USF3: variants seen among roughly 807,000 people sequenced by gnomAD.
USF3 encodes the protein upstream transcription factor family member 3.
A neutral mutation model predicts 157.5 loss-of-function variants in USF3; 29 were observed. The ratio of observed to expected loss-of-function variants is 0.18; its 90% CI spans 0.14 to 0.25. USF3 has a LOEUF of 0.25. Ranked by LOEUF, USF3 falls within the 10% of genes least tolerant of loss-of-function variation. USF3 has a pLI of 1.00. For missense variants in USF3, 2,381 were observed against 2,667.6 expected (o/e 0.89, Z 2.37); for synonymous variants, 893 against 941.4 (o/e 0.95, Z 0.94).
intron 5 of USF3, among the ~76,000 whole-genome samples, chr3:113,668,714 A>G (rs1707068715): frequency 6.6e-6 from 1 of 152,174 alleles, no homozygotes; most frequent in Admixed American, 6.5e-5. Context: ...ATAAACAGAA[A>G]AAAACTTCAG....
At position 113,649,164 on chromosome 3, in the gene USF3, T is replaced by C. The variant is rs1209874656; in HGVS notation, c.*5780A>G. ...CATCTAACTTTAAGTTCCTATGACATAGTACGGTGTTAGTATGGTGTATAG... is the reference window on the plus strand; with the variant it reads ...CATCTAACTTTAAGTTCCTATGACACAGTACGGTGTTAGTATGGTGTATAG... On this transcript the variant is annotated 3_prime_UTR_variant, in exon 7 of 7. Coordinates refer to ENST00000316407, the MANE Select transcript of USF3 (RefSeq NM_001009899.4). The C allele has an allele frequency of 1.3e-5, 2 of 152,240 alleles. No individual in the cohort carries two copies. Among genetic ancestry groups the C allele is most frequent in the Admixed American group, 6.5e-5 (1 of 15,280 alleles). 9.4% of individuals were successfully genotyped at this position (152,240 alleles called of 1,614,324 possible).
In USF3 at chr3:113,659,114, T is replaced by C. The variant is rs762471475; in HGVS notation, c.2568A>G (p.Ala856=). 2.4e-5 allele frequency: 38 copies of C among 1,614,076 alleles called. No individual in the cohort carries two copies. Among genetic ancestry groups the C allele is most frequent in the Non-Finnish European group, 3.1e-5 (37 of 1,180,038 alleles). Residue 856 remains alanine (A), a synonymous_variant, in exon 7 of 7, where the codon GCA becomes GCG. Transcript: ENST00000316407. ...GTGAAGCAGAAACACTCACACTATT[T>C]GCCTGAGACACAGAGACAGATGGTA... ...AVLPSVSVSQ[A]NSVSVSASHS...
chr3:113,684,134 G>T (rs1373865878), intron 1 of USF3, among the ~76,000 whole-genome samples: 1 of 152,068 alleles, frequency 6.6e-6, no homozygotes, highest in African/African-American at 2.4e-5. Context: ...TAATATTCTA[G>T]GATAAAAGTC....
chr3:113,670,024 A>T, intron 5 of USF3, 97 bp downstream of exon 5: 1 of 777,866 alleles, frequency 1.3e-6, no homozygotes, highest in Non-Finnish European at 2.2e-6. Context: ...CATACATAGA[A>T]ATAGAAAGCA....
chr3:113,679,112 A>G (rs1707351832), intron 1 of USF3, among the ~76,000 whole-genome samples: 3 of 151,554 alleles, frequency 2.0e-5, no homozygotes, highest in Admixed American at 6.6e-5. Context: ...ACCTGGCTCC[A>G]TTAATATTTT....
chr3:113,680,710 A>T (rs1707397975), intron 1 of USF3, among the ~76,000 whole-genome samples: 1 of 151,804 alleles, frequency 6.6e-6, no homozygotes, highest in Admixed American at 6.6e-5. Context: ...CTGAGGCAGG[A>T]GAATCACTTG....
At position 113,661,250 on chromosome 3, in the gene USF3, T is replaced by C; in HGVS notation, c.432A>G (p.Gln144=). The part of the protein sequence containing the change: ...VSVVIPSDQV[Q]KKIIVYSNGN... ...CGTTGGAATAAACAATAATTTTTTTTTGAACCTGGTCACTAGGAATAACAA... is the reference window on the plus strand; with the variant it reads ...CGTTGGAATAAACAATAATTTTTTTCTGAACCTGGTCACTAGGAATAACAA... The change falls in exon 7 of 7, where the codon CAA becomes CAG. Residue 144 remains glutamine (Q), a synonymous_variant. Transcript: ENST00000316407. 6.2e-7 allele frequency: 1 copy of C among 1,614,082 alleles called. No individual in the cohort carries two copies. Among genetic ancestry groups the C allele is most frequent in the Non-Finnish European group, 8.5e-7 (1 of 1,179,980 alleles).
chr3:113,667,560 A>G (rs1422880240), intron 5 of USF3, among the ~76,000 whole-genome samples: 1 of 152,204 alleles, frequency 6.6e-6, no homozygotes, highest in Non-Finnish European at 1.5e-5. Flanking sequence ...GGAAACAGAA[A>G]GCACAATTTT....
chr3:113,656,877 T>A lies in USF3; in HGVS notation c.4805A>T (p.His1602Leu). 1 of 1,614,208 alleles carries A rather than the reference T, an allele frequency of 6.2e-7. No individual in the cohort carries two copies. The highest frequency in any genetic ancestry group is 2.2e-5 in the East Asian group (1 of 44,884). ...PQNHLNQDIMHQQQDVGSRQQ... is the reference protein window; with the variant it reads ...PQNHLNQDIMLQQQDVGSRQQ... The stretch of plus-strand genomic sequence containing the variant: ...TCTGCTTCCAACATCCTGCTGTTGG[T>A]GCATAATATCTTGATTGAGATGGTT... Residue 1602 changes from histidine (H) to leucine (L), a missense_variant, in exon 7 of 7, where the codon CAC becomes CTC. Coordinates refer to ENST00000316407, the MANE Select transcript of USF3 (RefSeq NM_001009899.4).
Position 113,660,350 on chromosome 3 carries a change from C to T in USF3, c.1332G>A (p.Gln444=). 1.2e-6 allele frequency: 2 copies of T among 1,614,196 alleles called. No individual in the cohort carries two copies. The highest frequency in any genetic ancestry group is 1.1e-5 in the South Asian group (1 of 91,086). The part of the protein sequence containing the change: ...TTLQLAGNTI[Q]PLSQTPSSAV... ...CAGAAGATGGTGTCTGGCTTAAGGG[C>T]TGAATAGTGTTTCCTGCCAGTTGCA... Residue 444 remains glutamine (Q), a synonymous_variant, in exon 7 of 7, where the codon CAG becomes CAA. Transcript: ENST00000316407.
At chr3:113,670,064 A>C in intron 5 of USF3, 57 bp downstream of exon 5, 1 of 1,160,490 alleles carries the variant, frequency 8.6e-7, no homozygotes, top group Non-Finnish European at 1.3e-6. Context: ...GCACCAAAAC[A>C]ACTTAGGGAA....
chr3:113,680,520 C>A (rs1707391503), intron 1 of USF3, among the ~76,000 whole-genome samples: 1 of 151,990 alleles, frequency 6.6e-6, no homozygotes, highest in Non-Finnish European at 1.5e-5. Flanking sequence ...TTTCAAAAAA[C>A]AAACTTTTTG....
Position 113,658,691 on chromosome 3 carries a change from A to T in USF3, c.2991T>A (p.Gly997=). Residue 997 remains glycine, a synonymous_variant, in exon 7 of 7, where the codon GGT becomes GGA. Transcript: ENST00000316407. ...TAGTTAAACCTTGCCCCTTTAAGAG[A>T]CCTGTGGTTTGCATTGTATCTGATG... is the stretch of plus-strand genomic sequence containing the variant. The part of the protein sequence containing the change: ...QDSSDTMQTT[G]LLKGQGLTTL... The T allele has an allele frequency of 6.2e-7, 1 of 1,613,808 alleles. No individual in the cohort carries two copies. The highest frequency in any genetic ancestry group is 8.5e-7 in the Non-Finnish European group (1 of 1,179,940).
Position 113,661,441 on chromosome 3 carries a change from C to A in USF3, c.257-16G>T. The A allele has an allele frequency of 7.0e-7, 1 of 1,425,194 alleles. No homozygotes were observed. The highest frequency in any genetic ancestry group is 9.5e-7 in the Non-Finnish European group (1 of 1,056,726). The allele number at this position is 1,425,194 out of a possible 1,614,324, so 88.3% of individuals were successfully genotyped here. ...ATTTCTTCAGCTATAATATTAAAAA[C>A]AAAAATTTATAAATACCTGAGAATG... On this transcript the variant is annotated splice_polypyrimidine_tract_variant and intron_variant, in intron 6 of 6. Coordinates refer to ENST00000316407, the MANE Select transcript of USF3 (RefSeq NM_001009899.4).
intron 4 of USF3, among the ~76,000 whole-genome samples, chr3:113,672,619 A>C (rs1052396607): frequency 6.6e-6 from 1 of 152,226 alleles, no homozygotes; most frequent in African/African-American, 2.4e-5. Context: ...GAGGTTAAAA[A>C]AAAAGTCAAC....
chr3:113,684,355 G>C (rs1172721654), intron 1 of USF3, among the ~76,000 whole-genome samples: 2 of 151,650 alleles, frequency 1.3e-5, no homozygotes, highest in Non-Finnish European at 2.9e-5. Flanking sequence ...AATTTTTCTT[G>C]ATCGTCTATA....
At chr3:113,668,990 T>C (rs900404944) in intron 5 of USF3, among the ~76,000 whole-genome samples, 13 of 152,110 alleles carry the variant, frequency 8.5e-5, no homozygotes, top group Admixed American at 7.9e-4. Flanking sequence ...TACTAAGAGA[T>C]GGTTGGAAGT....
Position 113,668,563 on chromosome 3 carries a change from T to C in USF3, c.159+1558A>G, listed in dbSNP as rs116093633. On this transcript the variant is annotated intron_variant, in intron 5 of 6. Transcript: ENST00000316407. The stretch of plus-strand genomic sequence containing the variant: ...CATGCAACACTTAGGGCTACCAAAA[T>C]ACAAACCTATTCAGTCAGCTTTTTA... 4.0e-3 allele frequency among the ~76,000 whole-genome samples: 592 copies of C among 149,500 alleles called. 4 individuals are homozygous for C. The highest frequency in any genetic ancestry group is 0.014 in the African/African-American group (561 of 40,512).
intron 1 of USF3, among the ~76,000 whole-genome samples, chr3:113,693,059 A>C (rs1157322056): frequency 6.6e-6 from 1 of 152,238 alleles, no homozygotes; most frequent in Non-Finnish European, 1.5e-5. Context: ...TAGGACATAA[A>C]AATATTTAAT....
Sources: allele counts gnomAD v4.1 joint callset (sites outside exome capture counted in the v4.1 genomes callset), GRCh38; gene constraint gnomAD v4.1.1; transcripts MANE v1.5; gene names NCBI Gene and HGNC (gene_info 2026-07-23, HGNC 2026-07-21).